ANKMY1: variants seen among roughly 807,000 people sequenced by gnomAD.
The protein encoded by ANKMY1 is ankyrin repeat and MYND domain containing 1, also known as ankyrin repeat and MYND domain-containing protein 1.
In ANKMY1, 98 loss-of-function variants were observed where a neutral mutation model predicts 102.0. The observed-to-expected ratio is 0.96, with a 90% CI of 0.82 to 1.14. ANKMY1 has a LOEUF of 1.14. ANKMY1 is among the 50% of genes most tolerant of loss of function. The pLI, the probability that ANKMY1 is intolerant of heterozygous loss-of-function variation, is 0.00. For synonymous variants in ANKMY1, 582 were observed against 559.9 expected (o/e 1.04, Z -0.56); for missense variants, 1,330 against 1,347.6 (o/e 0.99, Z 0.20).
chr2:240,480,811 T>C (rs1225904671), intron 17 of ANKMY1, 126 bp downstream of exon 17: 11 of 1,350,384 alleles, frequency 8.1e-6, no homozygotes, highest in Non-Finnish European at 9.9e-6. Context: ...CTGGAAATGT[T>C]GGGAAAGTGG....
rs2092128244 is a variant in ANKMY1, at chr2:240,554,977, G to A, written c.225C>T (p.Tyr75=). Residue 75 remains tyrosine, a synonymous_variant, in exon 3 of 18, where the codon TAC becomes TAT. Transcript: ENST00000401804. ...PLRAQDLRES[Y]IQLVQGVQEW... is the part of the protein sequence containing the mutation. ...CCTGCACACCCTGGACGAGCTGGAT[G>A]TAGGACTCCCTCAGGTCCTGCGCCC... 1.2e-6 allele frequency: 2 copies of A among 1,614,064 alleles called. No individual in the cohort carries two copies. The highest frequency in any genetic ancestry group is 2.7e-5 in the African/African-American group (2 of 74,932).
chr2:240,523,633 G>T (rs2082749282), intron 8 of ANKMY1: 9 of 591,674 alleles, frequency 1.5e-5, no homozygotes, highest in Non-Finnish European at 2.3e-5. Flanking sequence ...GGCTGGCGTG[G>T]TACTGAAAAC....
At chr2:240,509,077 G>C (rs1218830325) in intron 12 of ANKMY1, among the ~76,000 whole-genome samples, 1 of 152,006 alleles carries the variant, frequency 6.6e-6, no homozygotes, top group Non-Finnish European at 1.5e-5. Flanking sequence ...GGATGGGTGA[G>C]TAGATGGATA....
At chr2:240,471,112 G>GAAA in the ANKMY1 span, among the ~76,000 whole-genome samples, 1 of 150,050 alleles carries the variant, frequency 6.7e-6, no homozygotes, top group East Asian at 2.0e-4. Flanking sequence ...ATCTGGGCAG[G>GAAA]AAAAAAAAAA....
At chr2:240,491,808 A>G (rs1478914860) in intron 15 of ANKMY1, among the ~76,000 whole-genome samples, 1 of 151,984 alleles carries the variant, frequency 6.6e-6, no homozygotes, top group Non-Finnish European at 1.5e-5. Flanking sequence ...TTTATGGGTG[A>G]CTAGATGCTT....
At chr2:240,517,627 T>C (rs570134612) in intron 9 of ANKMY1, among the ~76,000 whole-genome samples, 3 of 152,176 alleles carry the variant, frequency 2.0e-5, no homozygotes, top group South Asian at 2.1e-4. Flanking sequence ...CTGGGCAACA[T>C]AGTAAGACCC....
In ANKMY1 at chr2:240,491,296, C is replaced by T. The variant is rs144507373; in HGVS notation, c.2806+8662G>A. On this transcript the variant is annotated intron_variant, in intron 15 of 17. Coordinates refer to ENST00000401804, the MANE Select transcript of ANKMY1 (RefSeq NM_001282771.3). ...TTGATCATGGATCATTTTTAATCCA[C>T]TTAGCTATTCTAGCTTTTAAGAGGA... Among the ~76,000 whole-genome samples, 51 of 152,230 alleles carry T rather than the reference C, an allele frequency of 3.4e-4. No homozygotes were observed. In the East Asian group the frequency reaches 8.3e-3, roughly 25 times the overall value.
rs936088054 is a variant in ANKMY1 at position 240,520,021 on chromosome 2, G to C, written c.2004+341C>G. The C allele has an allele frequency of 1.9e-6, 1 of 523,876 alleles. No individual in the cohort carries two copies. Among genetic ancestry groups the C allele is most frequent in the Non-Finnish European group, 3.8e-6 (1 of 260,342 alleles). 32.5% of individuals were successfully genotyped at this position (523,876 alleles called of 1,614,324 possible). ...CTGCGTCCTTGTGATGCTGAGCGTG[G>C]GTTGAAAGGAGGCCCGCCTCCTCCT... On this transcript the variant is annotated intron_variant, in intron 9 of 17. Transcript: ENST00000401804. The surrounding 1 kb of genome is among the most constrained non-coding windows in gnomAD (Gnocchi z 4.8).
intron 16 of ANKMY1, 33 bp from the exon 17 acceptor site, chr2:240,481,130 A>T (rs767006339): frequency 1.0e-5 from 16 of 1,592,850 alleles, no homozygotes; most frequent in Admixed American, 1.7e-5. Context: ...GCAGGCGGCC[A>T]CTCCAGAACC....
chr2:240,541,209 T>G (rs1022584196), intron 4 of ANKMY1, among the ~76,000 whole-genome samples: 4 of 152,136 alleles, frequency 2.6e-5, no homozygotes, highest in Non-Finnish European at 5.9e-5. Context: ...TAGGATCGGC[T>G]CTTCTTAATT....
At chr2:240,493,024 C>T (rs1032527163) in intron 15 of ANKMY1, among the ~76,000 whole-genome samples, 2 of 151,146 alleles carry the variant, frequency 1.3e-5, no homozygotes, top group African/African-American at 4.9e-5. Context: ...TCTGAGATCT[C>T]AAAAGTTTCT....
In ANKMY1 at chr2:240,479,561, C is replaced by G. The variant is rs202204803; in HGVS notation, c.*48G>C. The G allele has an allele frequency of 1.0e-3, 1,642 of 1,605,768 alleles. 2 individuals are homozygous for G. Among genetic ancestry groups the G allele is most frequent in the Non-Finnish European group, 1.3e-3 (1,473 of 1,173,242 alleles). On this transcript the variant is annotated 3_prime_UTR_variant, in exon 18 of 18. Coordinates refer to ENST00000401804, the MANE Select transcript of ANKMY1 (RefSeq NM_001282771.3). The stretch of plus-strand genomic sequence containing the variant: ...GAGGTGGCTCAGGCAGGTAAGAAAC[C>G]CACACAGTCCTGGGTCCTCCCCAAG...
intron 15 of ANKMY1, among the ~76,000 whole-genome samples, chr2:240,483,577 T>C (rs142840970): frequency 6.6e-6 from 1 of 152,384 alleles, no homozygotes; most frequent in African/African-American, 2.4e-5. Context: ...TTATTAATGA[T>C]ATCCTGTAGT....
intron 4 of ANKMY1, among the ~76,000 whole-genome samples, chr2:240,539,081 C>T (rs972418641): frequency 6.6e-6 from 1 of 152,196 alleles, no homozygotes; most frequent in Non-Finnish European, 1.5e-5. Flanking sequence ...AGGGAATAAA[C>T]GCAGGCTGCC....
chr2:240,545,205 A>G (rs547663058), intron 4 of ANKMY1, among the ~76,000 whole-genome samples: 155 of 152,006 alleles, frequency 1.0e-3, no homozygotes, highest in African/African-American at 3.6e-3. Context: ...CTGACCTCTG[A>G]CCCCCCGAGC....
At position 240,554,915 on chromosome 2, in the gene ANKMY1, C is replaced by T; in HGVS notation, c.287G>A (p.Gly96Glu). ...GCCATATCCAAGCTTCATGTTCAACCCAAACTCCCCCTGGTACATGCAACC... is the reference window on the plus strand; with the variant it reads ...GCCATATCCAAGCTTCATGTTCAACTCAAACTCCCCCTGGTACATGCAACC... ...QDGCMYQGEF[G>E]LNMKLGYGKF... The change falls in exon 3 of 18, where the codon GGG becomes GAG. Residue 96 changes from glycine to glutamate, a missense_variant. Physicochemically the swap from Gly to Glu is moderately conservative, Grantham distance 98. Transcript: ENST00000401804. 1 of 1,614,150 alleles carries T rather than the reference C, an allele frequency of 6.2e-7. No individual in the cohort carries two copies.
chr2:240,483,005 C>A (rs76608618), intron 15 of ANKMY1, among the ~76,000 whole-genome samples: 20,377 of 152,156 alleles, frequency 0.13, 1,491 homozygotes, highest in Non-Finnish European at 0.16. Context: ...TTACATCTTC[C>A]TAACTGATGA....
chr2:240,521,326 CG>C (rs1212439229), intron 8 of ANKMY1, among the ~76,000 whole-genome samples: 1 of 152,078 alleles, frequency 6.6e-6, no homozygotes, highest in Non-Finnish European at 1.5e-5. Context: ...CCTGACCACT[CG>C]GAAGCCCAGG....
chr2:240,529,606 C>G lies in ANKMY1; in HGVS notation c.481-97G>C. On this transcript the variant is annotated intron_variant, in intron 4 of 17. Coordinates refer to ENST00000401804, the MANE Select transcript of ANKMY1 (RefSeq NM_001282771.3). This position sits in a 1 kb window ranked among gnomAD's most constrained non-coding sequence, Gnocchi z 4.2. ...TCAAAAGAAATCCCAAAAAAGAAAA[C>G]TTTCCCAAGAAATGCATGCATTCAG... 3 of 1,246,366 alleles carry G rather than the reference C, an allele frequency of 2.4e-6. No homozygotes were observed. Among genetic ancestry groups the G allele is most frequent in the Non-Finnish European group, 3.3e-6 (3 of 922,636 alleles). 77.2% of individuals were successfully genotyped at this position (1,246,366 alleles called of 1,614,324 possible).
Sources: gnomAD v4.1 joint callset for allele counts (sites outside exome capture counted in the v4.1 genomes callset) on GRCh38, gnomAD v4.1.1 for gene constraint, Gnocchi (gnomAD v3.1) non-coding constraint, MANE v1.5 for transcripts, NCBI Gene and HGNC (gene_info 2026-07-23, HGNC 2026-07-21) for gene names.